Variants in METTL15 observed in about 807,000 individuals in gnomAD.
METTL15 encodes the protein methyltransferase 15, mitochondrial 12S rRNA N4-cytidine, also known as 12S rRNA N(4)-cytidine methyltransferase METTL15.
Under a neutral mutation model 38.3 loss-of-function variants are expected in METTL15, and 34 were observed. The observed-to-expected ratio is 0.89, with a 90% CI of 0.68 to 1.18. METTL15 has a LOEUF of 1.18. METTL15 is among the 50% of genes most tolerant of loss of function. The probability of loss-of-function intolerance (pLI) is 0.00; values close to 1 mark genes in which losing one functional copy is unlikely to be tolerated. For missense variants in METTL15, 438 were observed against 498.4 expected, an observed-to-expected ratio of 0.88 and a Z score of 1.15; for synonymous variants, 162 against 170.9, an observed-to-expected ratio of 0.95 and a Z score of 0.41.
At chr11:28,334,536 T>C (rs1379841598), downstream of METTL15, among the ~76,000 whole-genome samples, 5 of 152,102 alleles carry the variant, frequency 3.3e-5, no homozygotes, top group African/African-American at 1.2e-4. Context: ...AATTTGAAAC[T>C]CTGATCAAAG....
At chr11:28,185,398 G>T (rs757983378) in intron 3 of METTL15, among the ~76,000 whole-genome samples, 15 of 151,318 alleles carry the variant, frequency 9.9e-5, no homozygotes, top group Non-Finnish European at 1.8e-4. Flanking sequence ...TTGAGCCTTG[G>T]TTTCTGTGCC....
chr11:28,388,778 C>A (rs1261251734), intron 5 of METTL15, among the ~76,000 whole-genome samples: 1 of 151,948 alleles, frequency 6.6e-6, no homozygotes, highest in Non-Finnish European at 1.5e-5. Flanking sequence ...TGTGCTGCAC[C>A]CATTAACTCG....
chr11:28,409,363 C>T (rs532234503), intron 5 of METTL15, among the ~76,000 whole-genome samples: 2 of 106,556 alleles, frequency 1.9e-5, no homozygotes, highest in African/African-American at 7.5e-5. Flanking sequence ...GCCTGGGAGA[C>T]AGAGCGAGAC....
At chr11:28,168,897 A>G (rs1850754153) in intron 3 of METTL15, among the ~76,000 whole-genome samples, 1 of 152,146 alleles carries the variant, frequency 6.6e-6, no homozygotes, top group Non-Finnish European at 1.5e-5. Context: ...GCCAGAGCGT[A>G]AGACAGAAGA....
intron 6 of METTL15, among the ~76,000 whole-genome samples, chr11:28,322,002 A>C (rs1264331752): frequency 6.6e-6 from 1 of 152,054 alleles, no homozygotes; most frequent in Admixed American, 6.5e-5. Flanking sequence ...ATTTTGAAAA[A>C]AAATTAGATT....
At chr11:28,326,986 A>G (rs1024870594) in intron 6 of METTL15, among the ~76,000 whole-genome samples, 11 of 152,072 alleles carry the variant, frequency 7.2e-5, no homozygotes, top group Non-Finnish European at 1.5e-4. Flanking sequence ...ATTTCATTTT[A>G]CACGATCTGC....
chr11:28,311,624 G>A (rs912756632), intron 6 of METTL15, among the ~76,000 whole-genome samples: 1 of 152,198 alleles, frequency 6.6e-6, no homozygotes, highest in Non-Finnish European at 1.5e-5. Context: ...ATAGATTTGA[G>A]CTGACTCTGT....
chr11:28,165,690 G>T (rs1428844168), intron 3 of METTL15, among the ~76,000 whole-genome samples: 6 of 146,366 alleles, frequency 4.1e-5, no homozygotes. Flanking sequence ...TTTTGCTTTT[G>T]TTGCCTATGC....
chr11:28,140,926 G>A (rs1332769642), intron 3 of METTL15, among the ~76,000 whole-genome samples: 1 of 152,186 alleles, frequency 6.6e-6, no homozygotes, highest in East Asian at 1.9e-4. Flanking sequence ...ACAAAGGTGG[G>A]AGGTTCTCCA....
chr11:28,321,992 A>T (rs1849487185), intron 6 of METTL15, among the ~76,000 whole-genome samples: 1 of 152,024 alleles, frequency 6.6e-6, no homozygotes, highest in Non-Finnish European at 1.5e-5. Context: ...TGACTATGTC[A>T]TTTTGAAAAA....
intron 6 of METTL15, among the ~76,000 whole-genome samples, chr11:28,460,283 A>G (rs1471819729): frequency 3.3e-5 from 5 of 152,024 alleles, no homozygotes; most frequent in South Asian, 4.1e-4. Flanking sequence ...TCTTACCAAT[A>G]TCTATTTCTA....
intron 3 of METTL15, among the ~76,000 whole-genome samples, chr11:28,207,980 T>G (rs553267898): frequency 6.6e-5 from 10 of 152,272 alleles, no homozygotes; most frequent in African/African-American, 2.4e-4. Context: ...TTTTATTGCA[T>G]CTATTTGATT....
intron 6 of METTL15, among the ~76,000 whole-genome samples, chr11:28,467,521 A>G (rs1213001646): frequency 6.6e-6 from 1 of 152,048 alleles, no homozygotes; most frequent in East Asian, 1.9e-4. Flanking sequence ...TCCATTAGGT[A>G]TTTGCCCCAT....
At chr11:28,345,002 A>G (rs1040499434) in intron 3 of METTL15, among the ~76,000 whole-genome samples, 2 of 152,162 alleles carry the variant, frequency 1.3e-5, no homozygotes, top group African/African-American at 4.8e-5. Context: ...TCAAGAGTTC[A>G]ATATCCAGTG....
At chr11:28,130,720 A>G (rs1325636161) in intron 3 of METTL15, among the ~76,000 whole-genome samples, 1 of 152,200 alleles carries the variant, frequency 6.6e-6, no homozygotes, top group Non-Finnish European at 1.5e-5. Flanking sequence ...ATAAGTACAA[A>G]CACTTAAACT....
chr11:28,153,621 G>A (rs1445679628), intron 3 of METTL15, among the ~76,000 whole-genome samples: 1 of 152,094 alleles, frequency 6.6e-6, no homozygotes, highest in East Asian at 1.9e-4. Context: ...TTGGTTGCTT[G>A]TAAGAAAATA....
chr11:28,406,663 G>A (rs1321629685), intron 5 of METTL15, among the ~76,000 whole-genome samples: 1 of 152,070 alleles, frequency 6.6e-6, no homozygotes, highest in Non-Finnish European at 1.5e-5. Flanking sequence ...CTTCCTGTTC[G>A]AATATGCTTT....
At chr11:28,133,227 A>G (rs894467469) in intron 3 of METTL15, among the ~76,000 whole-genome samples, 2 of 152,164 alleles carry the variant, frequency 1.3e-5, no homozygotes, top group African/African-American at 4.8e-5. Flanking sequence ...TGGGCTAGAA[A>G]TGGTGGTTCA....
At chr11:28,430,314 G>C (rs1358682077) in intron 6 of METTL15, among the ~76,000 whole-genome samples, 1 of 129,264 alleles carries the variant, frequency 7.7e-6, no homozygotes, top group African/African-American at 2.8e-5. Flanking sequence ...CGTGCCATCC[G>C]GGAGGGAGGT....
Sources: allele counts gnomAD v4.1 joint callset (sites outside exome capture counted in the v4.1 genomes callset), GRCh38; gene constraint gnomAD v4.1.1; transcripts MANE v1.5; gene names NCBI Gene and HGNC (gene_info 2026-07-23, HGNC 2026-07-21).